Variants in ZBTB20 observed in about 807,000 individuals in gnomAD.
The protein encoded by ZBTB20 is zinc finger and BTB domain containing 20.
ZBTB20 carries 9 observed loss-of-function variants against 56.9 expected under a neutral mutation model. The observed-to-expected ratio is 0.16, with a 90% CI of 0.10 to 0.28. The LOEUF is 0.28. Among genes scored for constraint, ZBTB20 ranks in the 10% least tolerant of loss-of-function variants. ZBTB20 has a pLI of 1.00. For synonymous variants in ZBTB20, 417 were observed against 420.7 expected, an observed-to-expected ratio of 0.99 and a Z score of 0.11; for missense variants, 655 against 1,003.0, an observed-to-expected ratio of 0.65 and a Z score of 4.69.
intron 6 of ZBTB20, among the ~76,000 whole-genome samples, chr3:114,549,691 A>AT (rs146547030): frequency 0.019 from 2,808 of 148,590 alleles, 89 homozygotes; most frequent in African/African-American, 0.065. Flanking sequence ...CACACTAAGG[A>AT]TTTTTTTTCT....
At chr3:114,729,956 A>ATTTTTTTTTTTTTTTTTTTTTTTT (rs1229757252) in intron 5 of ZBTB20, among the ~76,000 whole-genome samples, 2 of 119,450 alleles carry the variant, frequency 1.7e-5, no homozygotes, top group African/African-American at 6.6e-5. Flanking sequence ...CATCCGGCTA[A>ATTTTTTTTTTTTTTTTTTTTTTTT]TTTTTTTTTT....
chr3:114,684,549 T>A (rs2062202240), intron 6 of ZBTB20: 1 of 152,322 alleles, frequency 6.6e-6, no homozygotes, highest in Admixed American at 6.5e-5. Context: ...AAACATTTCA[T>A]CATTGCTGAC....
chr3:114,488,940 A>T (rs1269364047), intron 7 of ZBTB20, among the ~76,000 whole-genome samples: 1 of 152,208 alleles, frequency 6.6e-6, no homozygotes, highest in Non-Finnish European at 1.5e-5. Context: ...ATGTTAAGTG[A>T]AAAGAATAGA....
At chr3:114,743,407 A>G (rs1218484494) in intron 5 of ZBTB20, 3 of 152,748 alleles carry the variant, frequency 2.0e-5, no homozygotes, top group African/African-American at 7.2e-5. Context: ...TATCTCTAGT[A>G]GAAGTGAAAA....
rs1206609846 is a variant in ZBTB20 at position 114,327,850 on chromosome 3, G to C, written c.*11155C>G. On this transcript the variant is annotated 3_prime_UTR_variant, in exon 12 of 12. Transcript: ENST00000675478. ...AAGCTGAGAGGCGATGTGGTATCAT[G>C]GCAAGAATATTGGACCAGAAGTCAG... The C allele has an allele frequency of 6.6e-6, 1 of 152,218 alleles. No individual in the cohort carries two copies. The highest frequency in any genetic ancestry group is 1.9e-4 in the East Asian group (1 of 5,200). The allele number at this position is 152,218 out of a possible 1,614,324, so 9.4% of individuals were successfully genotyped here.
intron 5 of ZBTB20, among the ~76,000 whole-genome samples, chr3:114,734,864 A>C (rs1170593279): frequency 6.6e-6 from 1 of 152,072 alleles, no homozygotes; most frequent in African/African-American, 2.4e-5. Flanking sequence ...ATTCTATCTT[A>C]GGGGGCACTC....
chr3:114,350,441 C>T lies in ZBTB20; in HGVS notation c.1637G>A (p.Gly546Asp). The change falls in exon 11 of 12, where the codon GGT (glycine) becomes GAT (aspartate). Residue 546 changes from glycine to aspartate, a missense_variant. This residue lies in a region of ZBTB20 where 71 missense variants were observed against 89.4 expected (regional missense o/e 0.79). Coordinates refer to ENST00000675478, the MANE Select transcript of ZBTB20 (RefSeq NM_001348800.3). The part of the protein sequence containing the change: ...QTQFVTVSQP[G>D]LSTFTAQLPA... ...CAGCTGTGCAGTAAAGGTCGACAGA[C>T]CGGGCTGGGACACTGTCACAAACTG... 6.2e-7 allele frequency: 1 copy of T among 1,614,122 alleles called. No individual in the cohort carries two copies. Among genetic ancestry groups the T allele is most frequent in the Non-Finnish European group, 8.5e-7 (1 of 1,180,022 alleles).
At chr3:114,345,462 T>C (rs950361809) in intron 11 of ZBTB20, among the ~76,000 whole-genome samples, 3 of 152,228 alleles carry the variant, frequency 2.0e-5, no homozygotes, top group African/African-American at 7.2e-5. Flanking sequence ...TTAGTTTCTG[T>C]GATATAATTT....
intron 7 of ZBTB20, among the ~76,000 whole-genome samples, chr3:114,443,572 T>C (rs2091066400): frequency 6.6e-6 from 1 of 152,212 alleles, no homozygotes; most frequent in South Asian, 2.1e-4. Context: ...TGGACTTTTA[T>C]AAAAAGATTC....
At chr3:114,604,550 A>G (rs1265707358) in intron 6 of ZBTB20, among the ~76,000 whole-genome samples, 1 of 152,016 alleles carries the variant, frequency 6.6e-6, no homozygotes. Context: ...TAAAAACTAA[A>G]TGAAAGATAA....
chr3:115,086,964 A>G (rs1397812172), intron 1 of ZBTB20, among the ~76,000 whole-genome samples: 1 of 151,768 alleles, frequency 6.6e-6, no homozygotes, highest in Non-Finnish European at 1.5e-5. Context: ...TAAGTCAAAT[A>G]TTTATCATAT....
intron 5 of ZBTB20, among the ~76,000 whole-genome samples, chr3:114,763,945 A>C (rs903972269): frequency 1.3e-5 from 2 of 152,222 alleles, no homozygotes; most frequent in African/African-American, 4.8e-5. Flanking sequence ...AATGTTTTCA[A>C]GCATATTCAG....
At position 114,318,947 on chromosome 3, in the gene ZBTB20, T is replaced by C. The variant is rs1299873505; in HGVS notation, c.*20058A>G. On this transcript the variant is annotated 3_prime_UTR_variant, in exon 12 of 12. Coordinates refer to ENST00000675478, the MANE Select transcript of ZBTB20 (RefSeq NM_001348800.3). The stretch of plus-strand genomic sequence containing the variant: ...TTGACATTTCATAAATAGCTTTTTT[T>C]CTCTAAAAAAAGAATAAAACAAGAA... The C allele has an allele frequency of 6.6e-6, 1 of 152,056 alleles. No homozygotes were observed. The highest frequency in any genetic ancestry group is 2.4e-5 in the African/African-American group (1 of 41,396). 9.4% of individuals were successfully genotyped at this position (152,056 alleles called of 1,614,324 possible).
At chr3:114,800,428 G>C (rs2071627752) in intron 5 of ZBTB20, among the ~76,000 whole-genome samples, 1 of 151,868 alleles carries the variant, frequency 6.6e-6, no homozygotes, top group Non-Finnish European at 1.5e-5. Flanking sequence ...AATAAGGGTA[G>C]ACCAGACTGT....
At chr3:114,839,437 A>C (rs1188629988) in intron 4 of ZBTB20, among the ~76,000 whole-genome samples, 1 of 151,086 alleles carries the variant, frequency 6.6e-6, no homozygotes, top group Non-Finnish European at 1.5e-5. Flanking sequence ...GAAAGAAAGA[A>C]AGAAAGAAAG....
chr3:114,414,570 C>G (rs1019485658), intron 7 of ZBTB20, among the ~76,000 whole-genome samples: 1 of 151,944 alleles, frequency 6.6e-6, no homozygotes, highest in Non-Finnish European at 1.5e-5. Context: ...AGCTCTGTGT[C>G]CCTCATAACA....
chr3:114,716,273 C>G (rs1302612449), intron 5 of ZBTB20, among the ~76,000 whole-genome samples: 2 of 152,132 alleles, frequency 1.3e-5, no homozygotes, highest in Non-Finnish European at 2.9e-5. Context: ...CTAATGGCAG[C>G]CGATTGCCAT....
At chr3:115,060,289 A>G (rs1310083626) in intron 2 of ZBTB20, among the ~76,000 whole-genome samples, 1 of 152,224 alleles carries the variant, frequency 6.6e-6, no homozygotes, top group East Asian at 1.9e-4. Flanking sequence ...ATAATAATAT[A>G]GTCTACCTCA....
At chr3:114,636,174 A>T (rs1343677700) in intron 6 of ZBTB20, among the ~76,000 whole-genome samples, 1 of 152,128 alleles carries the variant, frequency 6.6e-6, no homozygotes, top group Non-Finnish European at 1.5e-5. Flanking sequence ...TCAACCAAGA[A>T]CGCTATACTC....
Sources: allele counts gnomAD v4.1 joint callset (sites outside exome capture counted in the v4.1 genomes callset), GRCh38; gene constraint gnomAD v4.1.1; regional missense constraint gnomAD v4.1.1; transcripts MANE v1.5; gene names NCBI Gene and HGNC (gene_info 2026-07-23, HGNC 2026-07-21).